Variants in NRXN1 observed in about 807,000 individuals in gnomAD.
NRXN1 encodes the protein neurexin 1.
A neutral mutation model predicts 150.9 loss-of-function variants in NRXN1; 39 were observed. That is an observed-to-expected ratio of 0.26 (90% CI 0.20 to 0.34). The LOEUF is 0.34. Ranked by LOEUF, NRXN1 falls within the 10% of genes least tolerant of loss-of-function variation. NRXN1 has a pLI of 1.00. For missense variants in NRXN1, 1,815 were observed against 1,949.9 expected, an observed-to-expected ratio of 0.93 and a Z score of 1.30; for synonymous variants, 924 against 757.0, an observed-to-expected ratio of 1.22 and a Z score of -3.62.
At chr2:50,708,074 T>A (rs1221858833) in intron 5 of NRXN1, among the ~76,000 whole-genome samples, 1 of 152,184 alleles carries the variant, frequency 6.6e-6, no homozygotes, top group Non-Finnish European at 1.5e-5. Flanking sequence ...AGAATACTCA[T>A]TAGTGTTTTA....
At chr2:50,392,345 T>C (rs2081770905) in intron 17 of NRXN1, among the ~76,000 whole-genome samples, 1 of 152,110 alleles carries the variant, frequency 6.6e-6, no homozygotes, top group Non-Finnish European at 1.5e-5. Context: ...TGAGTTGAAA[T>C]TACTTACAGA....
intron 21 of NRXN1, among the ~76,000 whole-genome samples, chr2:49,977,979 T>C (rs535730772): frequency 1.3e-3 from 192 of 152,152 alleles, no homozygotes; most frequent in African/African-American, 4.2e-3. Context: ...CTGGCCAACA[T>C]GGTGAAACCC....
chr2:50,932,618 T>G (rs1411354404), intron 2 of NRXN1, among the ~76,000 whole-genome samples: 2 of 151,952 alleles, frequency 1.3e-5, no homozygotes, highest in Non-Finnish European at 2.9e-5. Flanking sequence ...AAGATACACA[T>G]TAGGTACAGT....
intron 2 of NRXN1, among the ~76,000 whole-genome samples, chr2:50,983,154 T>C (rs918773984): frequency 2.6e-5 from 4 of 152,088 alleles, no homozygotes; most frequent in African/African-American, 9.7e-5. Flanking sequence ...CTAGATATAG[T>C]ATAAATATTT....
At chr2:50,518,734 T>C (rs1204355638) in intron 12 of NRXN1, among the ~76,000 whole-genome samples, 1 of 151,864 alleles carries the variant, frequency 6.6e-6, no homozygotes, top group Non-Finnish European at 1.5e-5. Context: ...TCAAGAAGGA[T>C]GTACATTTTT....
At chr2:50,412,334 TA>T (rs11358204) in intron 17 of NRXN1, among the ~76,000 whole-genome samples, 79,423 of 150,650 alleles carry the variant, frequency 0.53, 23,467 homozygotes, top group East Asian at 0.81. Context: ...AAATAAAAAA[TA>T]AAAAAAATAA....
chr2:50,474,306 A>G (rs1305919935), intron 15 of NRXN1, among the ~76,000 whole-genome samples: 1 of 151,866 alleles, frequency 6.6e-6, no homozygotes, highest in African/African-American at 2.4e-5. Flanking sequence ...AGACTCTTCG[A>G]GGAATGAAAT....
At chr2:50,005,360 A>G (rs1481685244) in intron 21 of NRXN1, among the ~76,000 whole-genome samples, 1 of 152,160 alleles carries the variant, frequency 6.6e-6, no homozygotes, top group Non-Finnish European at 1.5e-5. Flanking sequence ...TTAAAAATTG[A>G]TTCTTATTAC....
chr2:50,783,926 C>T (rs1425013006), intron 5 of NRXN1, among the ~76,000 whole-genome samples: 1 of 152,078 alleles, frequency 6.6e-6, no homozygotes, highest in Non-Finnish European at 1.5e-5. Context: ...TTTGCCTAGC[C>T]TCATATTTAA....
intron 5 of NRXN1, among the ~76,000 whole-genome samples, chr2:50,743,991 T>C (rs1344390686): frequency 6.6e-6 from 1 of 152,132 alleles, no homozygotes; most frequent in Non-Finnish European, 1.5e-5. Context: ...ACACAAACTG[T>C]AATCCTTATA....
chr2:50,963,264 AG>A (rs1262885522), intron 2 of NRXN1, among the ~76,000 whole-genome samples: 4 of 151,604 alleles, frequency 2.6e-5, no homozygotes, highest in Non-Finnish European at 5.9e-5. Context: ...CAACAACAAA[AG>A]AAAAACACTG....
At chr2:50,928,385 T>A (rs1453689654) in intron 2 of NRXN1, among the ~76,000 whole-genome samples, 1 of 152,014 alleles carries the variant, frequency 6.6e-6, no homozygotes, top group African/African-American at 2.4e-5. Flanking sequence ...TCCATTCTAT[T>A]CTATTCTGGT....
At chr2:51,025,748 G>A (rs968719168) in intron 2 of NRXN1, among the ~76,000 whole-genome samples, 1 of 152,138 alleles carries the variant, frequency 6.6e-6, no homozygotes, top group Non-Finnish European at 1.5e-5. Flanking sequence ...TGATTCACAA[G>A]TAGATTTGCT....
intron 5 of NRXN1, among the ~76,000 whole-genome samples, chr2:50,628,991 T>A (rs1393164498): frequency 6.6e-6 from 1 of 151,600 alleles, no homozygotes; most frequent in African/African-American, 2.4e-5. Flanking sequence ...AAAAATCCAG[T>A]GTCAGTGAGG....
chr2:49,993,985 C>A (rs935392365), intron 21 of NRXN1, among the ~76,000 whole-genome samples: 28 of 152,260 alleles, frequency 1.8e-4, no homozygotes, highest in African/African-American at 6.7e-4. Flanking sequence ...TCTCAAATTT[C>A]CTGCCCTGTA....
At chr2:50,903,559 T>C (rs1198751263) in intron 5 of NRXN1, among the ~76,000 whole-genome samples, 1 of 152,152 alleles carries the variant, frequency 6.6e-6, no homozygotes, top group Non-Finnish European at 1.5e-5. Flanking sequence ...CACAATATCA[T>C]AGCCCCACCC....
chr2:50,777,539 T>G (rs1263825131), intron 5 of NRXN1, among the ~76,000 whole-genome samples: 1 of 152,110 alleles, frequency 6.6e-6, no homozygotes, highest in Non-Finnish European at 1.5e-5. Context: ...TCTGCAAAGT[T>G]TTTGTAACTA....
At chr2:50,961,287 G>C (rs531887871) in intron 2 of NRXN1, among the ~76,000 whole-genome samples, 40 of 151,782 alleles carry the variant, frequency 2.6e-4, no homozygotes, top group African/African-American at 9.4e-4. Context: ...TTTTTCATTA[G>C]GTATGGACCT....
At chr2:50,550,986 T>G (rs1009718721) in intron 9 of NRXN1, among the ~76,000 whole-genome samples, 1 of 149,508 alleles carries the variant, frequency 6.7e-6, no homozygotes, top group Non-Finnish European at 1.5e-5. Flanking sequence ...CAGCCTCTTC[T>G]CAGCTTAAAT....
Sources: allele counts gnomAD v4.1 joint callset (sites outside exome capture counted in the v4.1 genomes callset), GRCh38; gene constraint gnomAD v4.1.1; transcripts MANE v1.5; gene names NCBI Gene and HGNC (gene_info 2026-07-23, HGNC 2026-07-21).